FILIP1L: variants seen among roughly 807,000 people sequenced by gnomAD.
FILIP1L encodes the protein filamin A-interacting protein 1-like.
Under a neutral mutation model 96.6 loss-of-function variants are expected in FILIP1L, and 55 were observed. That is an observed-to-expected ratio of 0.57 (90% confidence interval 0.46 to 0.71). The LOEUF is 0.71. FILIP1L is among the 30% of genes least tolerant of loss of function. FILIP1L has a pLI of 0.00. For synonymous variants in FILIP1L, 467 were observed against 473.9 expected (o/e 0.99, Z 0.19); for missense variants, 1,304 against 1,321.2 (o/e 0.99, Z 0.20).
intron 1 of FILIP1L, among the ~76,000 whole-genome samples, chr3:100,100,020 T>C (rs78902125): frequency 1.3e-5 from 2 of 152,258 alleles, no homozygotes; most frequent in East Asian, 3.9e-4. Flanking sequence ...GTTGTCAAAG[T>C]CCTTATTAAA....
intron 1 of FILIP1L, among the ~76,000 whole-genome samples, chr3:100,028,900 CAA>C (rs1224338204): frequency 6.6e-6 from 1 of 152,146 alleles, no homozygotes; most frequent in Non-Finnish European, 1.5e-5. Flanking sequence ...GTAACACACA[CAA>C]AGACACACAC....
intron 1 of FILIP1L, among the ~76,000 whole-genome samples, chr3:99,982,294 T>C (rs1441456245): frequency 1.3e-5 from 2 of 152,138 alleles, no homozygotes; most frequent in Non-Finnish European, 2.9e-5. Context: ...TCTGGGGCTG[T>C]GTATTTATGA....
chr3:100,106,047 G>A (rs2066389788), intron 1 of FILIP1L, among the ~76,000 whole-genome samples: 1 of 152,104 alleles, frequency 6.6e-6, no homozygotes, highest in Admixed American at 6.6e-5. Flanking sequence ...CCTCCTAGGG[G>A]TTTCAATTAA....
intron 1 of FILIP1L, among the ~76,000 whole-genome samples, chr3:99,968,351 A>G (rs554165203): frequency 6.6e-6 from 1 of 152,096 alleles, no homozygotes; most frequent in Non-Finnish European, 1.5e-5. Context: ...AGGGATTAAG[A>G]TAAAGGACCT....
intron 1 of FILIP1L, among the ~76,000 whole-genome samples, chr3:99,946,009 G>A (rs947144952): frequency 6.6e-6 from 1 of 152,120 alleles, no homozygotes; most frequent in African/African-American, 2.4e-5. Context: ...ACAGACAGTT[G>A]GTAGATGTAT....
intron 1 of FILIP1L, among the ~76,000 whole-genome samples, chr3:100,022,257 A>G (rs2064839526): frequency 6.6e-6 from 1 of 152,158 alleles, no homozygotes; most frequent in Admixed American, 6.5e-5. Flanking sequence ...TCTGTCCTGA[A>G]GAAAAGGAGC....
At chr3:99,987,254 C>T (rs1709369239) in intron 1 of FILIP1L, among the ~76,000 whole-genome samples, 1 of 149,312 alleles carries the variant, frequency 6.7e-6, no homozygotes, top group Non-Finnish European at 1.5e-5. Flanking sequence ...AAAGGCCAGG[C>T]ACAGTGGCTC....
At chr3:100,081,519 G>T (rs1350762900) in intron 1 of FILIP1L, among the ~76,000 whole-genome samples, 1 of 152,102 alleles carries the variant, frequency 6.6e-6, no homozygotes, top group Non-Finnish European at 1.5e-5. Flanking sequence ...TATCTCTGTG[G>T]ATAGCTCAGG....
At chr3:100,014,348 C>T (rs990353973) in intron 1 of FILIP1L, among the ~76,000 whole-genome samples, 2 of 151,916 alleles carry the variant, frequency 1.3e-5, no homozygotes, top group Admixed American at 6.6e-5. Flanking sequence ...TTTCTTTTGG[C>T]TATATACCCA....
At chr3:99,902,509 A>G (rs1576559846) in intron 4 of FILIP1L, among the ~76,000 whole-genome samples, 1 of 152,318 alleles carries the variant, frequency 6.6e-6, no homozygotes, top group East Asian at 1.9e-4. Flanking sequence ...ATATAAGGGT[A>G]TCTAGCTGTC....
chr3:99,847,684 A>G (rs1455394972), intron 5 of FILIP1L, among the ~76,000 whole-genome samples: 1 of 152,228 alleles, frequency 6.6e-6, no homozygotes, highest in Non-Finnish European at 1.5e-5. Context: ...TATCCCAAGC[A>G]TGAAGTTATG....
At chr3:99,955,509 G>A (rs577663561) in intron 1 of FILIP1L, among the ~76,000 whole-genome samples, 1 of 152,148 alleles carries the variant, frequency 6.6e-6, no homozygotes, top group South Asian at 2.1e-4. Context: ...GTTGAATCAG[G>A]AAGCCAGTTC....
chr3:99,871,508 G>A (rs550135355), intron 4 of FILIP1L, among the ~76,000 whole-genome samples: 2 of 152,264 alleles, frequency 1.3e-5, no homozygotes, highest in African/African-American at 4.8e-5. Context: ...AATCATTAAT[G>A]AGTAATTTAA....
chr3:100,053,942 C>T (rs1319306232), intron 1 of FILIP1L, among the ~76,000 whole-genome samples: 1 of 152,232 alleles, frequency 6.6e-6, no homozygotes, highest in East Asian at 1.9e-4. Flanking sequence ...CAAGCATTGA[C>T]TCTGGCCCAC....
At chr3:100,041,918 A>T (rs2107293207) in intron 1 of FILIP1L, among the ~76,000 whole-genome samples, 1 of 152,326 alleles carries the variant, frequency 6.6e-6, no homozygotes, top group Middle Eastern at 3.4e-3. Context: ...GAAAACTAGG[A>T]TAGAAAGGCA....
intron 3 of FILIP1L, 30 bp downstream of exon 3, chr3:99,929,826 C>A (rs181364409): frequency 1.5e-5 from 23 of 1,548,578 alleles, no homozygotes; most frequent in Non-Finnish European, 1.8e-5. Context: ...TGGCTGCCTC[C>A]CAGGTACACA....
chr3:100,024,361 G>A (rs2064880418), intron 1 of FILIP1L, among the ~76,000 whole-genome samples: 1 of 151,960 alleles, frequency 6.6e-6, no homozygotes, highest in Non-Finnish European at 1.5e-5. Context: ...TTTCAATTTT[G>A]TTAAATTTTG....
chr3:99,929,931 C>T lies in FILIP1L; in HGVS notation c.351G>A (p.Glu117=). The change falls in exon 3 of 6, where the codon GAG becomes GAA. Residue 117 remains glutamate, a synonymous_variant. Transcript: ENST00000477258. ...YGFVTPKKVL[E]ALQRDAFQAK... ...CTTGAAAAGCATCTCTCTGGAGAGC[C>T]TCTAACACCTTTTTTGGAGTGACAA... 1 of 1,614,098 alleles carries T rather than the reference C, an allele frequency of 6.2e-7. No individual in the cohort carries two copies. Among genetic ancestry groups the T allele is most frequent in the Non-Finnish European group, 8.5e-7 (1 of 1,179,990 alleles).
chr3:100,036,958 G>A (rs2065118060), intron 1 of FILIP1L, among the ~76,000 whole-genome samples: 1 of 152,056 alleles, frequency 6.6e-6, no homozygotes, highest in African/African-American at 2.4e-5. Context: ...TAAACTAAAA[G>A]ATACTCTTCA....
Sources: gnomAD v4.1 joint callset for allele counts (sites outside exome capture counted in the v4.1 genomes callset) on GRCh38, gnomAD v4.1.1 for gene constraint, MANE v1.5 for transcripts, NCBI Gene and HGNC (gene_info 2026-07-23, HGNC 2026-07-21) for gene names.